The following SLIT3 variants were observed in gnomAD, a reference collection of about 807,000 sequenced individuals.
The protein encoded by SLIT3 is slit guidance ligand 3.
Under a neutral mutation model 184.0 loss-of-function variants are expected in SLIT3, and 68 were observed. The observed-to-expected ratio is 0.37, with a 90% CI of 0.30 to 0.45. The LOEUF (loss-of-function observed/expected upper bound fraction) is 0.45. SLIT3 is among the 20% of genes least tolerant of loss of function. SLIT3 has a pLI of 1.00. For missense variants in SLIT3, 1,707 were observed against 2,026.0 expected (o/e 0.84, Z 3.02); for synonymous variants, 831 against 828.6 (o/e 1.00, Z -0.05).
At chr5:168,932,390 A>ACTACACACACC (rs1762018566) in intron 4 of SLIT3, among the ~76,000 whole-genome samples, 2 of 134,236 alleles carry the variant, frequency 1.5e-5, no homozygotes, top group African/African-American at 5.7e-5. Flanking sequence ...ACACACACAC[A>ACTACACACACC]CTACACACAC....
At chr5:169,298,154 G>C (rs1364196425) in intron 1 of SLIT3, among the ~76,000 whole-genome samples, 1 of 152,128 alleles carries the variant, frequency 6.6e-6, no homozygotes, top group Non-Finnish European at 1.5e-5. Flanking sequence ...AGGGAGGAAG[G>C]AGACTAGAAT....
In SLIT3 at chr5:168,691,450, C is replaced by T. The variant is rs182294548; in HGVS notation, c.3176+1157G>A. On this transcript the variant is annotated intron_variant, in intron 29 of 35. Coordinates refer to ENST00000519560, the MANE Select transcript of SLIT3 (RefSeq NM_003062.4). ...TAACTCTCTGCCCTGTGACTGAGAA[C>T]AGGACAGATTCTGGGTGATGACAGC... Among the ~76,000 whole-genome samples the T allele has an allele frequency of 2.6e-5, 4 of 152,302 alleles. No homozygotes were observed. In the South Asian group the frequency reaches 6.2e-4, roughly 24 times the overall value.
At chr5:168,757,639 G>T (rs1488248825) in intron 16 of SLIT3, among the ~76,000 whole-genome samples, 1 of 152,170 alleles carries the variant, frequency 6.6e-6, no homozygotes, top group African/African-American at 2.4e-5. Flanking sequence ...GTTTCACCGT[G>T]TTAGTCAGGA....
At chr5:168,908,532 A>G (rs1283979850) in intron 4 of SLIT3, among the ~76,000 whole-genome samples, 1 of 152,192 alleles carries the variant, frequency 6.6e-6, no homozygotes, top group Non-Finnish European at 1.5e-5. Flanking sequence ...CGTGGACTGC[A>G]CTGCTAAACT....
At chr5:168,893,355 T>TGTA (rs902235182) in intron 4 of SLIT3, among the ~76,000 whole-genome samples, 1 of 152,194 alleles carries the variant, frequency 6.6e-6, no homozygotes, top group African/African-American at 2.4e-5. Flanking sequence ...GCTGACATAC[T>TGTA]GGTCCCCACC....
chr5:169,226,918 A>C (rs1764832613), intron 3 of SLIT3, among the ~76,000 whole-genome samples: 1 of 151,232 alleles, frequency 6.6e-6, no homozygotes, highest in East Asian at 1.9e-4. Context: ...TGCCTCAATG[A>C]GATATATACT....
At chr5:168,973,366 G>A (rs1754646977) in intron 4 of SLIT3, among the ~76,000 whole-genome samples, 1 of 152,130 alleles carries the variant, frequency 6.6e-6, no homozygotes, top group Non-Finnish European at 1.5e-5. Flanking sequence ...TCCTACCTCA[G>A]CCTCCTGAGT....
chr5:169,068,224 AAG>A (rs1758422565), intron 4 of SLIT3, among the ~76,000 whole-genome samples: 1 of 152,208 alleles, frequency 6.6e-6, no homozygotes, highest in Non-Finnish European at 1.5e-5. Flanking sequence ...GGGAAGAAAA[AAG>A]AGAGGAAGAG....
At chr5:168,746,614 T>G (rs1464067609) in intron 20 of SLIT3, among the ~76,000 whole-genome samples, 3 of 65,178 alleles carry the variant, frequency 4.6e-5, no homozygotes, top group Non-Finnish European at 8.7e-5. Flanking sequence ...GGGTGTGGTG[T>G]GTAGTATGGT....
chr5:168,738,157 C>G lies in SLIT3; in HGVS notation c.2270+10145G>C, dbSNP rs148094957. On this transcript the variant is annotated intron_variant, in intron 20 of 35. Transcript: ENST00000519560. Reference sequence around the variant, plus strand: ...GAGGCTTTTTCAGGGGTCTATGAGGCCAAAACTATATTTACAATAAGGTTA... The same window carrying G: ...GAGGCTTTTTCAGGGGTCTATGAGGGCAAAACTATATTTACAATAAGGTTA... Among the ~76,000 whole-genome samples the G allele has an allele frequency of 1.4e-4, 21 of 152,252 alleles. No individual in the cohort carries two copies. The East Asian group carries it at 3.9e-3, about 28-fold the overall frequency.
intron 1 of SLIT3, among the ~76,000 whole-genome samples, chr5:169,259,203 G>T (rs532852011): frequency 2.0e-5 from 3 of 152,234 alleles, no homozygotes; most frequent in Middle Eastern, 3.4e-3. Flanking sequence ...GGGATTACAG[G>T]TGCCATCACC....
At chr5:169,297,289 A>G (rs1046658212) in intron 1 of SLIT3, among the ~76,000 whole-genome samples, 2 of 152,230 alleles carry the variant, frequency 1.3e-5, no homozygotes, top group African/African-American at 4.8e-5. Context: ...ATGTTCTGAC[A>G]TTATAGGGAA....
At chr5:169,068,519 A>C (rs915587710) in intron 4 of SLIT3, among the ~76,000 whole-genome samples, 1 of 152,226 alleles carries the variant, frequency 6.6e-6, no homozygotes, top group Admixed American at 6.5e-5. Context: ...GATGGGCTGC[A>C]TATTATACTC....
chr5:168,848,277 A>T (rs1463618311), intron 5 of SLIT3, among the ~76,000 whole-genome samples: 1 of 152,200 alleles, frequency 6.6e-6, no homozygotes, highest in Non-Finnish European at 1.5e-5. Flanking sequence ...TAGTGACGAC[A>T]ATAAAGACTG....
chr5:169,001,466 A>G (rs1182160218), intron 4 of SLIT3, among the ~76,000 whole-genome samples: 1 of 152,202 alleles, frequency 6.6e-6, no homozygotes, highest in Non-Finnish European at 1.5e-5. Context: ...ACAGGCACAT[A>G]GGCGGGTCAC....
chr5:169,191,267 T>C (rs1364952418), intron 4 of SLIT3, among the ~76,000 whole-genome samples: 2 of 152,234 alleles, frequency 1.3e-5, no homozygotes, highest in African/African-American at 4.8e-5. Context: ...CCATCACTGA[T>C]GGAGTGCCTA....
intron 12 of SLIT3, among the ~76,000 whole-genome samples, chr5:168,778,790 C>T (rs982401593): frequency 2.6e-5 from 4 of 152,202 alleles, no homozygotes; most frequent in African/African-American, 4.8e-5. Context: ...GGCTGCCTGG[C>T]GCTCAAACTG....
chr5:169,272,462 T>A (rs1017116676), intron 1 of SLIT3, among the ~76,000 whole-genome samples: 3 of 152,328 alleles, frequency 2.0e-5, no homozygotes, highest in African/African-American at 7.2e-5. Context: ...TTCATAATTA[T>A]GAAATGTTTT....
intron 2 of SLIT3, among the ~76,000 whole-genome samples, chr5:169,249,021 C>T (rs1765688609): frequency 6.6e-6 from 1 of 152,098 alleles, no homozygotes; most frequent in East Asian, 1.9e-4. Flanking sequence ...TTTCTAGCTT[C>T]TCTAGAAATT....
Sources: gnomAD v4.1 joint callset for allele counts (sites outside exome capture counted in the v4.1 genomes callset) on GRCh38, gnomAD v4.1.1 for gene constraint, MANE v1.5 for transcripts, NCBI Gene and HGNC (gene_info 2026-07-23, HGNC 2026-07-21) for gene names.